FHIT: variants seen among roughly 807,000 people sequenced by gnomAD.
The protein encoded by FHIT is bis(5'-adenosyl)-triphosphatase.
Under a neutral mutation model 17.9 loss-of-function variants are expected in FHIT, and 19 were observed. The observed-to-expected ratio is 1.06, with a 90% CI of 0.74 to 1.56. The LOEUF is 1.56. FHIT is among the 40% of genes most tolerant of loss of function. The pLI is 0.00. For missense variants in FHIT, 248 were observed against 189.2 expected (o/e 1.31, Z -1.82); for synonymous variants, 81 against 69.7 (o/e 1.16, Z -0.81).
At chr3:60,787,313 C>A (rs1443038578) in intron 4 of FHIT, among the ~76,000 whole-genome samples, 1 of 152,218 alleles carries the variant, frequency 6.6e-6, no homozygotes, top group Non-Finnish European at 1.5e-5. Flanking sequence ...TGTTTTCCTG[C>A]ATATTTATCC....
chr3:60,568,066 T>C (rs536353931), intron 4 of FHIT, among the ~76,000 whole-genome samples: 107 of 152,220 alleles, frequency 7.0e-4, no homozygotes, highest in African/African-American at 2.4e-3. Context: ...TCAGGGATCT[T>C]GAACTAGAAA....
chr3:61,178,665 T>G (rs1437132008), intron 2 of FHIT, among the ~76,000 whole-genome samples: 2 of 151,980 alleles, frequency 1.3e-5, no homozygotes, highest in Non-Finnish European at 2.9e-5. Context: ...TAGTCAATTA[T>G]AAAAAATTGT....
intron 4 of FHIT, among the ~76,000 whole-genome samples, chr3:60,576,181 C>A (rs1445041666): frequency 6.6e-6 from 1 of 151,952 alleles, no homozygotes; most frequent in Non-Finnish European, 1.5e-5. Context: ...AGGAAAAAAT[C>A]AGTTTAAGAG....
intron 7 of FHIT, 127 bp from the exon 8 acceptor site, chr3:59,922,541 T>C (rs1575701707): frequency 1.1e-5 from 8 of 742,282 alleles, no homozygotes; most frequent in African/African-American, 1.7e-5. Context: ...TCAGAGGAAG[T>C]TGATATCCAC....
Position 60,124,039 on chromosome 3 carries a change from G to GAC in FHIT, c.104-109888_104-109887insGT, listed in dbSNP as rs1559653884. On this transcript the variant is annotated intron_variant, in intron 5 of 9. Coordinates refer to ENST00000492590, the MANE Select transcript of FHIT (RefSeq NM_002012.4). ...AGAGAGAGAGAGAGAGAGAGAGAGA[G>GAC]AGAGAGAGAGAGAGAGACAGAGAGA... Among the ~76,000 whole-genome samples, 54 of 113,812 alleles carry GAC rather than the reference G, an allele frequency of 4.7e-4. 2 individuals are homozygous for GAC. Among genetic ancestry groups the GAC allele is most frequent in the Middle Eastern group, 4.4e-3 (1 of 228 alleles). 74.7% of individuals were successfully genotyped at this position (113,812 alleles called of 152,430 possible).
At chr3:61,062,678 T>A (rs968072506) in intron 2 of FHIT, among the ~76,000 whole-genome samples, 3 of 152,142 alleles carry the variant, frequency 2.0e-5, no homozygotes, top group Non-Finnish European at 2.9e-5. Flanking sequence ...TGCCCCCAGA[T>A]GAATAGAAAT....
chr3:60,372,248 G>A (rs928079079), intron 5 of FHIT, among the ~76,000 whole-genome samples: 3 of 152,136 alleles, frequency 2.0e-5, no homozygotes, highest in Non-Finnish European at 4.4e-5. Context: ...AGAAAATGAA[G>A]AGACGTATTC....
chr3:59,862,251 C>A (rs997016493), intron 8 of FHIT, among the ~76,000 whole-genome samples: 2 of 152,182 alleles, frequency 1.3e-5, no homozygotes, highest in Non-Finnish European at 2.9e-5. Flanking sequence ...AGAGGCCATG[C>A]GCAGGGGAGC....
intron 4 of FHIT, among the ~76,000 whole-genome samples, chr3:60,731,002 G>A (rs777850088): frequency 7.9e-5 from 12 of 151,108 alleles, no homozygotes; most frequent in Admixed American, 2.0e-4. Context: ...GTGGTGGCAC[G>A]CGCCCGTAAT....
At chr3:61,190,139 G>A (rs1201511247) in intron 2 of FHIT, among the ~76,000 whole-genome samples, 1 of 152,152 alleles carries the variant, frequency 6.6e-6, no homozygotes, top group Non-Finnish European at 1.5e-5. Context: ...CCATCAGAGT[G>A]AACAGGCAAC....
At chr3:60,922,730 A>C (rs1202327750) in intron 3 of FHIT, among the ~76,000 whole-genome samples, 1 of 152,180 alleles carries the variant, frequency 6.6e-6, no homozygotes, top group Non-Finnish European at 1.5e-5. Context: ...CCAAGACAAC[A>C]CTAACATTTC....
intron 1 of FHIT, among the ~76,000 whole-genome samples, chr3:61,244,638 T>G (rs1392168335): frequency 1.3e-5 from 2 of 152,112 alleles, no homozygotes; most frequent in Admixed American, 6.5e-5. Flanking sequence ...CTGAAGCAGG[T>G]CTAAGACCCT....
chr3:60,864,089 A>T (rs1407467705), intron 3 of FHIT, among the ~76,000 whole-genome samples: 1 of 152,130 alleles, frequency 6.6e-6, no homozygotes, highest in Non-Finnish European at 1.5e-5. Context: ...GCATGTGAAG[A>T]AGAATTGCCC....
intron 5 of FHIT, among the ~76,000 whole-genome samples, chr3:60,061,534 G>T (rs770979677): frequency 6.6e-6 from 1 of 152,032 alleles, no homozygotes; most frequent in African/African-American, 2.4e-5. Flanking sequence ...TTTGCATTTC[G>T]ATTCCCTGTT....
chr3:59,769,423 G>A (rs1047974410), intron 8 of FHIT, among the ~76,000 whole-genome samples: 4 of 152,194 alleles, frequency 2.6e-5, no homozygotes, highest in South Asian at 2.1e-4. Context: ...TTGGCTGGAC[G>A]CCTGCTAGTC....
chr3:60,642,031 A>G (rs78840701), intron 4 of FHIT, among the ~76,000 whole-genome samples: 3,227 of 152,180 alleles, frequency 0.021, 123 homozygotes, highest in African/African-American at 0.072. Context: ...CATCACTGCT[A>G]CAGCCTTGAA....
chr3:60,212,427 C>T (rs1703497603), intron 5 of FHIT, among the ~76,000 whole-genome samples: 1 of 152,102 alleles, frequency 6.6e-6, no homozygotes, highest in Non-Finnish European at 1.5e-5. Flanking sequence ...GACAGCAGAC[C>T]TCAAAGCACC....
At chr3:60,816,182 C>T (rs578152520) in intron 4 of FHIT, among the ~76,000 whole-genome samples, 2 of 151,972 alleles carry the variant, frequency 1.3e-5, no homozygotes, top group South Asian at 2.1e-4. Flanking sequence ...ATATTGTCTG[C>T]AAAGAGAGAT....
intron 5 of FHIT, among the ~76,000 whole-genome samples, chr3:60,283,601 T>C (rs571808246): frequency 6.6e-6 from 1 of 152,226 alleles, no homozygotes; most frequent in African/African-American, 2.4e-5. Flanking sequence ...GCAGCCTAGA[T>C]TTTTTAAAAA....
Sources: allele counts gnomAD v4.1 joint callset (sites outside exome capture counted in the v4.1 genomes callset), GRCh38; gene constraint gnomAD v4.1.1; transcripts MANE v1.5; gene names NCBI Gene and HGNC (gene_info 2026-07-23, HGNC 2026-07-21).